OGDH: variants seen among roughly 807,000 people sequenced by gnomAD.
OGDH encodes oxoglutarate dehydrogenase.
In OGDH, 38 loss-of-function variants were observed where a neutral mutation model predicts 116.6. The observed-to-expected ratio is 0.33, with a 90% confidence interval of 0.25 to 0.43. The LOEUF (loss-of-function observed/expected upper bound fraction) is 0.43, where lower values mean the gene tolerates loss of function less well. Among genes scored for constraint, OGDH ranks in the 20% least tolerant of loss-of-function variants. OGDH has a pLI of 1.00. For synonymous variants in OGDH, 488 were observed against 533.3 expected (o/e 0.92, Z 1.17); for missense variants, 825 against 1,357.2 (o/e 0.61, Z 6.16).
chr7:44,689,392 C>CTTTTTTTTTTTTTTTTTT (rs561058807), intron 10 of OGDH, among the ~76,000 whole-genome samples: 2 of 71,268 alleles, frequency 2.8e-5, no homozygotes, highest in Non-Finnish European at 5.4e-5. Flanking sequence ...ATTTTTTTTT[C>CTTTTTTTTTTTTTTTTTT]TTTTTTTTTT....
At chr7:44,637,934 G>A (rs1055534930) in intron 2 of OGDH, among the ~76,000 whole-genome samples, 3 of 152,136 alleles carry the variant, frequency 2.0e-5, no homozygotes, top group African/African-American at 7.2e-5. Context: ...ATAGCCCCTT[G>A]CAGGGCTCAG....
At chr7:44,644,444 A>C (rs1445364796) in intron 2 of OGDH, among the ~76,000 whole-genome samples, 1 of 152,258 alleles carries the variant, frequency 6.6e-6, no homozygotes, top group Non-Finnish European at 1.5e-5. Flanking sequence ...AGGAAATTCA[A>C]ACTGATAACT....
chr7:44,694,102 AT>A lies in OGDH; in HGVS notation c.1515+99del. 7.6e-7 allele frequency: 1 copy of A among 1,322,212 alleles called. No individual in the cohort carries two copies. The highest frequency in any genetic ancestry group is 1.5e-5 in the South Asian group (1 of 68,618). The allele number at this position is 1,322,212 out of a possible 1,614,324, so 81.9% of individuals were successfully genotyped here. ...GTCCCAAGGAGAGGAGCTTGTCTAG[AT>A]GAGTCACCTCAGGGCTCTCTACTGC... On this transcript the variant is annotated intron_variant, in intron 11 of 22. Transcript: ENST00000222673. This position sits in a 1 kb window ranked among gnomAD's most constrained non-coding sequence, Gnocchi z 4.2.
Position 44,634,040 on chromosome 7 carries a change from G to A in OGDH, c.222+9475G>A, listed in dbSNP as rs529384842. ...TTGGCACCAGTGTAGCATGTCTCAT[G>A]ACTCTGTGGGTTGGCTAGGTTTCCC... On this transcript the variant is annotated intron_variant, in intron 2 of 22. Coordinates refer to ENST00000222673, the MANE Select transcript of OGDH (RefSeq NM_002541.4). 1.3e-3 allele frequency among the ~76,000 whole-genome samples: 199 copies of A among 152,302 alleles called. 1 individual carries two copies. Among genetic ancestry groups the A allele is most frequent in the African/African-American group, 4.6e-3 (192 of 41,554 alleles).
intron 1 of OGDH, among the ~76,000 whole-genome samples, chr7:44,615,641 G>C (rs1404100334): frequency 6.6e-6 from 1 of 152,170 alleles, no homozygotes; most frequent in East Asian, 1.9e-4. Context: ...AGAGAGAACA[G>C]GTTTCTGTTT....
chr7:44,627,938 A>G (rs1167220735), intron 2 of OGDH, among the ~76,000 whole-genome samples: 1 of 152,014 alleles, frequency 6.6e-6, no homozygotes, highest in Non-Finnish European at 1.5e-5. Context: ...CAGCCTCCCA[A>G]AGTGCTGGGA....
intron 2 of OGDH, among the ~76,000 whole-genome samples, chr7:44,627,284 G>A (rs573458844): frequency 1.3e-5 from 2 of 152,242 alleles, no homozygotes; most frequent in East Asian, 3.9e-4. Flanking sequence ...CGTGAGCCAC[G>A]GCGCCTGGCC....
rs749997647 is a variant in OGDH, at chr7:44,707,593, C to A, written c.2808C>A (p.Phe936Leu). ...CTGCTGTCTCCTAGCTGTCGCCATT[C>A]CCCTTTGACCTCCTGCTGAAGGAGG... Reference protein sequence around the residue: ...AITRIEQLSPFPFDLLLKEVQ... With the variant: ...AITRIEQLSPLPFDLLLKEVQ... Residue 936 changes from phenylalanine (F) to leucine (L), a missense_variant, in exon 22 of 23, where the codon TTC (phenylalanine) becomes TTA (leucine). By Grantham distance (22) the Phe-to-Leu change is conservative (BLOSUM62 0). This residue lies in a region of OGDH where 212 missense variants were observed against 284.3 expected (regional missense o/e 0.75). Transcript: ENST00000222673. The surrounding 1 kb of genome is among the most constrained non-coding windows in gnomAD (Gnocchi z 5.2). 3 of 1,613,954 alleles carry A rather than the reference C, an allele frequency of 1.9e-6. No individual in the cohort carries two copies. Among genetic ancestry groups the A allele is most frequent in the South Asian group, 1.1e-5 (1 of 91,088 alleles).
intron 1 of OGDH, among the ~76,000 whole-genome samples, chr7:44,612,028 G>A (rs142942989): frequency 1.4e-4 from 21 of 152,152 alleles, no homozygotes; most frequent in African/African-American, 3.9e-4. Context: ...CCATTAACTC[G>A]TCATTTACAT....
chr7:44,610,565 G>A (rs1018127180), intron 1 of OGDH, among the ~76,000 whole-genome samples: 4 of 151,966 alleles, frequency 2.6e-5, no homozygotes, highest in Non-Finnish European at 4.4e-5. Context: ...GCCTCCCAGA[G>A]TGCTGGGATT....
At chr7:44,704,415 CT>C (rs1788974075) in intron 20 of OGDH, among the ~76,000 whole-genome samples, 1 of 151,166 alleles carries the variant, frequency 6.6e-6, no homozygotes, top group African/African-American at 2.4e-5. Context: ...GAGACAGGAT[CT>C]CTCTATGTTG....
Position 44,643,617 on chromosome 7 carries a change from A to G in OGDH, c.223-1710A>G, listed in dbSNP as rs375016041. 2.0e-4 allele frequency among the ~76,000 whole-genome samples: 30 copies of G among 152,298 alleles called. No individual in the cohort carries two copies. The East Asian group carries it at 5.4e-3, about 27-fold the overall frequency. ...CATCTGTGCCCTAGCCAGCATTATA[A>G]AAGAACCTGTCTGAAAAAAACAGAA... On this transcript the variant is annotated intron_variant, in intron 2 of 22. Transcript: ENST00000222673.
rs751978026 is a variant in OGDH at position 44,697,030 on chromosome 7, C to T, written c.2017C>T (p.Leu673=). The change falls in exon 15 of 23, where the codon CTG becomes TTG. Residue 673 remains leucine, a synonymous_variant. Transcript: ENST00000222673. This position sits in a 1 kb window ranked among gnomAD's most constrained non-coding sequence, Gnocchi z 6.0. ...SLLKEGIHIR[L]SGQDVERGTF... is the part of the protein sequence containing the mutation. ...CCTGAAGGAGGGCATCCACATTCGG[C>T]TGAGCGGCCAGGACGTGGAGCGGGG... 4 of 1,614,196 alleles carry T rather than the reference C, an allele frequency of 2.5e-6. No individual in the cohort carries two copies. Among genetic ancestry groups the T allele is most frequent in the Non-Finnish European group, 3.4e-6 (4 of 1,180,022 alleles).
At chr7:44,626,607 C>T (rs1785218271) in intron 2 of OGDH, among the ~76,000 whole-genome samples, 1 of 152,186 alleles carries the variant, frequency 6.6e-6, no homozygotes, top group Non-Finnish European at 1.5e-5. Context: ...GTTTGGTCCT[C>T]AGTGATTCAT....
intron 1 of OGDH, among the ~76,000 whole-genome samples, chr7:44,611,023 CTT>C (rs908266949): frequency 6.6e-6 from 1 of 151,016 alleles, no homozygotes; most frequent in Non-Finnish European, 1.5e-5. Flanking sequence ...TTGAAGAACT[CTT>C]TGCCTAGCCC....
Position 44,671,445 on chromosome 7 carries a change from G to T in OGDH, c.634-2342G>T, listed in dbSNP as rs1787447253. ...GGGATCAAATTTCATCAGGAGGTTT[G>T]TGGGGGAACAAACGGGTTAATAAAA... On this transcript the variant is annotated intron_variant, in intron 5 of 22. Transcript: ENST00000222673. 1.3e-5 allele frequency among the ~76,000 whole-genome samples: 2 copies of T among 152,184 alleles called. 1 individual carries two copies. The highest frequency in any genetic ancestry group is 4.1e-4 in the South Asian group (2 of 4,826).
intron 10 of OGDH, among the ~76,000 whole-genome samples, chr7:44,690,289 G>C (rs779513659): frequency 6.6e-6 from 1 of 152,188 alleles, no homozygotes; most frequent in Non-Finnish European, 1.5e-5. Flanking sequence ...GCTAGTGAAC[G>C]AGTTGTCAGG....
chr7:44,663,793 A>T (rs1441740292), intron 4 of OGDH, among the ~76,000 whole-genome samples: 2 of 152,084 alleles, frequency 1.3e-5, no homozygotes, highest in African/African-American at 4.8e-5. Flanking sequence ...TACAAAAACT[A>T]GCTGGACGTG....
chr7:44,677,655 G>A (rs1190390360), intron 9 of OGDH, among the ~76,000 whole-genome samples: 1 of 151,962 alleles, frequency 6.6e-6, no homozygotes, highest in African/African-American at 2.4e-5. Flanking sequence ...GATCACCTGA[G>A]GTCAGGAGTT....
Sources: gnomAD v4.1 joint callset for allele counts (sites outside exome capture counted in the v4.1 genomes callset) on GRCh38, gnomAD v4.1.1 for gene constraint, gnomAD v4.1.1 regional missense constraint, Gnocchi (gnomAD v3.1) non-coding constraint, MANE v1.5 for transcripts, NCBI Gene and HGNC (gene_info 2026-07-23, HGNC 2026-07-21) for gene names.